Variants in SKA3 observed in about 807,000 individuals in gnomAD.
The protein encoded by SKA3 is spindle and kinetochore-associated protein 3.
Under a neutral mutation model 44.2 loss-of-function variants are expected in SKA3, and 39 were observed. The ratio of observed to expected loss-of-function variants is 0.88; its 90% CI spans 0.68 to 1.15. SKA3 has a LOEUF of 1.15. Among genes scored for constraint, SKA3 ranks in the 50% most tolerant of loss-of-function variants. The pLI, the probability that SKA3 is intolerant of heterozygous loss-of-function variation, is 0.00. For synonymous variants in SKA3, 192 were observed against 172.0 expected (o/e 1.12, Z -0.91); for missense variants, 511 against 485.8 (o/e 1.05, Z -0.49).
At chr13:21,169,153 A>G (rs1359477604) in intron 3 of SKA3, among the ~76,000 whole-genome samples, 1 of 151,814 alleles carries the variant, frequency 6.6e-6, no homozygotes, top group Non-Finnish European at 1.5e-5. Context: ...GGAAGGCCCC[A>G]GGTTGGGGCG....
chr13:21,159,960 A>G lies in SKA3; in HGVS notation c.857T>C (p.Val286Ala), dbSNP rs370189182. The G allele has an allele frequency of 2.4e-5, 38 of 1,607,862 alleles. No individual in the cohort carries two copies. Among genetic ancestry groups the G allele is most frequent in the Non-Finnish European group, 3.1e-5 (37 of 1,177,692 alleles). The change falls in exon 6 of 9, where the codon GTA becomes GCA. Residue 286 changes from valine (V) to alanine (A), a missense_variant. Transcript: ENST00000314759. ...CAAACCAGGAGTACAGAATGTAGGT[A>G]CCAAAGGAGAGTTGGTATATTCGGC... ...SDAEYTNSPL[V>A]PTFCTPGLKI... is the part of the protein sequence containing the mutation.
chr13:21,173,057 C>T (rs78816395), intron 1 of SKA3, among the ~76,000 whole-genome samples: 1,640 of 152,144 alleles, frequency 0.011, 32 homozygotes, highest in African/African-American at 0.037. Context: ...AGAATGTATC[C>T]CCATTAAGTA....
intron 3 of SKA3, among the ~76,000 whole-genome samples, chr13:21,171,885 T>C (rs1487000235): frequency 6.6e-6 from 1 of 152,208 alleles, no homozygotes; most frequent in African/African-American, 2.4e-5. Context: ...ATTAAAATTT[T>C]AGAATCAAAA....
chr13:21,170,400 G>T (rs960991258), intron 3 of SKA3, among the ~76,000 whole-genome samples: 1 of 152,000 alleles, frequency 6.6e-6, no homozygotes, highest in Admixed American at 6.6e-5. Context: ...GGCTGGTCTC[G>T]AACTCCTGAC....
intron 4 of SKA3, among the ~76,000 whole-genome samples, chr13:21,165,394 C>T (rs960562991): frequency 6.6e-6 from 1 of 151,932 alleles, no homozygotes; most frequent in African/African-American, 2.4e-5. Flanking sequence ...TGCACTCCAA[C>T]CTGGGTGACA....
intron 4 of SKA3, among the ~76,000 whole-genome samples, chr13:21,165,254 TAA>T (rs769423327): frequency 1.1e-4 from 15 of 138,934 alleles, no homozygotes; most frequent in Admixed American, 2.2e-4. Context: ...TACAGAAAGT[TAA>T]AAAAAAAAAA....
intron 1 of SKA3, 129 bp from the exon 2 acceptor site, chr13:21,172,810 CCAT>C: frequency 1.8e-6 from 1 of 565,092 alleles, no homozygotes; most frequent in Non-Finnish European, 3.1e-6. Context: ...GACAGTGGTA[CCAT>C]AAGATAATAC....
intron 4 of SKA3, among the ~76,000 whole-genome samples, chr13:21,164,994 G>A (rs1178054189): frequency 3.3e-5 from 5 of 151,696 alleles, no homozygotes; most frequent in Non-Finnish European, 5.9e-5. Flanking sequence ...TGCAGTATAC[G>A]CTTTCACTGT....
chr13:21,161,884 A>C lies in SKA3; in HGVS notation c.744-9T>G. 1 of 1,582,312 alleles carries C rather than the reference A, an allele frequency of 6.3e-7. No homozygotes were observed. Among genetic ancestry groups the C allele is most frequent in the Non-Finnish European group, 8.6e-7 (1 of 1,162,622 alleles). On this transcript the variant is annotated splice_polypyrimidine_tract_variant and intron_variant, in intron 4 of 8. Coordinates refer to ENST00000314759, the MANE Select transcript of SKA3 (RefSeq NM_145061.6). ...TATCTATGGCCTCCTCACTGGTGTG[A>C]TTCATAGGGAAATTACAAGGTTAAA...
chr13:21,163,561 G>A (rs997226438), intron 4 of SKA3, among the ~76,000 whole-genome samples: 8 of 152,092 alleles, frequency 5.3e-5, no homozygotes, highest in African/African-American at 1.9e-4. Flanking sequence ...TATCAACACT[G>A]AATATAACCT....
At chr13:21,171,373 G>A (rs141305871) in intron 3 of SKA3, among the ~76,000 whole-genome samples, 5 of 152,200 alleles carry the variant, frequency 3.3e-5, no homozygotes, top group Admixed American at 2.6e-4. Flanking sequence ...TCAGGAGATC[G>A]AGACCATTCT....
At chr13:21,155,833 C>T (rs748654896) in intron 7 of SKA3, 22 bp from the exon 8 acceptor site, 2 of 909,540 alleles carry the variant, frequency 2.2e-6, no homozygotes, top group Non-Finnish European at 3.1e-6. Context: ...AAAGGAAATT[C>T]CTTTTTATCG....
chr13:21,171,250 C>T (rs1219686761), intron 3 of SKA3, among the ~76,000 whole-genome samples: 1 of 152,160 alleles, frequency 6.6e-6, no homozygotes, highest in Non-Finnish European at 1.5e-5. Context: ...CACACACATC[C>T]TCAATACATA....
At chr13:21,172,856 A>C (rs1871147499) in intron 1 of SKA3, 175 bp from the exon 2 acceptor site, 2 of 514,612 alleles carry the variant, frequency 3.9e-6, no homozygotes, top group East Asian at 6.5e-5. Flanking sequence ...TTATGTTTAG[A>C]TACACAAATA....
rs770642017 is a variant in SKA3, at chr13:21,176,517, C to G, written c.-40G>C. 23 of 1,396,188 alleles carry G rather than the reference C, an allele frequency of 1.6e-5. 1 individual carries two copies. In the South Asian group the frequency reaches 3.2e-4, roughly 20 times the overall value. 86.5% of individuals were successfully genotyped at this position (1,396,188 alleles called of 1,614,324 possible). A position where few individuals can be genotyped will look rare whatever the true frequency, so the allele number is the denominator to read the frequency against. ...GGAAGGACTCCAGGCGTACGCAGAC[C>G]CCACCGCTCAGCTCACAGCCTCCCG... On this transcript the variant is annotated 5_prime_UTR_variant, in exon 1 of 9. Coordinates refer to ENST00000314759, the MANE Select transcript of SKA3 (RefSeq NM_145061.6).
intron 3 of SKA3, among the ~76,000 whole-genome samples, chr13:21,169,500 C>A (rs948658110): frequency 6.6e-6 from 1 of 151,978 alleles, no homozygotes; most frequent in Non-Finnish European, 1.5e-5. Context: ...CATGCCTGGT[C>A]ACAACAACCT....
At chr13:21,161,713 A>G in intron 5 of SKA3, 77 bp downstream of exon 5, 2 of 841,908 alleles carry the variant, frequency 2.4e-6, no homozygotes, top group Non-Finnish European at 1.7e-6. Flanking sequence ...TAGAATGTCT[A>G]AGATGATGAA....
Position 21,155,826 on chromosome 13 carries a change from G to GAA in SKA3, c.1120-16_1120-15insTT, listed in dbSNP as rs776150709. 3 of 607,292 alleles carry GAA rather than the reference G, an allele frequency of 4.9e-6. No homozygotes were observed. The highest frequency in any genetic ancestry group is 2.0e-5 in the African/African-American group (1 of 50,402). The allele number at this position is 607,292 out of a possible 1,614,324, so 37.6% of individuals were successfully genotyped here. On this transcript the variant is annotated splice_polypyrimidine_tract_variant and intron_variant, in intron 7 of 8. Coordinates refer to ENST00000314759, the MANE Select transcript of SKA3 (RefSeq NM_145061.6). ...TTTGATAAAAGCTAAAAAAAAAAAA[G>GAA]GAAATTCCTTTTTATCGAGCCATAT...
chr13:21,173,316 G>A (rs977821485), intron 1 of SKA3, among the ~76,000 whole-genome samples: 1 of 152,158 alleles, frequency 6.6e-6, no homozygotes, highest in Non-Finnish European at 1.5e-5. Context: ...GAGTGCAATG[G>A]TGCGATCTTG....
Sources: gnomAD v4.1 joint callset for allele counts (sites outside exome capture counted in the v4.1 genomes callset) on GRCh38, gnomAD v4.1.1 for gene constraint, MANE v1.5 for transcripts, NCBI Gene and HGNC (gene_info 2026-07-23, HGNC 2026-07-21) for gene names.